Variants in TSBP1 observed in about 807,000 individuals in gnomAD.
TSBP1 encodes the protein testis-expressed basic protein 1.
In TSBP1, 56 loss-of-function variants were observed where a neutral mutation model predicts 68.8. The ratio of observed to expected loss-of-function variants is 0.81; its 90% CI spans 0.66 to 1.02. The LOEUF (loss-of-function observed/expected upper bound fraction) is 1.02. Ranked by LOEUF, TSBP1 falls within the 50% of genes least tolerant of loss-of-function variation. TSBP1 has a pLI of 0.00. For missense variants in TSBP1, 502 were observed against 641.2 expected, an observed-to-expected ratio of 0.78 and a Z score of 2.34; for synonymous variants, 171 against 208.7, an observed-to-expected ratio of 0.82 and a Z score of 1.56.
chr6:32,315,833 A>T lies in TSBP1; in HGVS notation c.560-41T>A, dbSNP rs1186715341. On this transcript the variant is annotated intron_variant, in intron 18 of 22. Transcript: ENST00000612031. This position sits in a 1 kb window ranked among gnomAD's most constrained non-coding sequence, Gnocchi z 5.4. ...AAAGAAATCCATTTAATTTTTCTCA[A>T]ATGGAGAAAACATAGCATTATCTAA... The T allele has an allele frequency of 7.6e-7, 1 of 1,320,190 alleles. No individual in the cohort carries two copies. Among genetic ancestry groups the T allele is most frequent in the Admixed American group, 2.1e-5 (1 of 47,554 alleles). 81.8% of individuals were successfully genotyped at this position (1,320,190 alleles called of 1,614,324 possible).
chr6:32,358,934 A>ATTATTATTATTATTAT (rs1562181079), intron 6 of TSBP1, among the ~76,000 whole-genome samples: 4 of 130,804 alleles, frequency 3.1e-5, no homozygotes, highest in African/African-American at 1.1e-4. Context: ...TATTATTATT[A>ATTATTATTATTATTAT]TACTTTAAGT....
chr6:32,326,449 C>T (rs1768228758), intron 16 of TSBP1, among the ~76,000 whole-genome samples: 2 of 151,166 alleles, frequency 1.3e-5, no homozygotes, highest in Non-Finnish European at 1.5e-5. Context: ...TTTTTTGCAC[C>T]CATGCTGTTT....
intron 4 of TSBP1, among the ~76,000 whole-genome samples, chr6:32,367,586 G>C (rs148571612): frequency 8.4e-4 from 128 of 152,224 alleles, no homozygotes; most frequent in African/African-American, 2.8e-3. Flanking sequence ...CTTTCAAAGT[G>C]TATTTTCACA....
chr6:32,346,854 T>C (rs376576326), intron 9 of TSBP1, among the ~76,000 whole-genome samples: 2 of 151,900 alleles, frequency 1.3e-5, no homozygotes, highest in African/African-American at 4.8e-5. Flanking sequence ...AAAAAAATAC[T>C]GTATCTCAGA....
At chr6:32,350,261 G>A (rs1279241968) in intron 8 of TSBP1, 1 of 441,170 alleles carries the variant, frequency 2.3e-6, no homozygotes, top group Non-Finnish European at 4.5e-6. Flanking sequence ...CTATGGAGAT[G>A]AAGAATAGCA....
chr6:32,324,425 C>T (rs906388252), intron 16 of TSBP1: 9 of 698,292 alleles, frequency 1.3e-5, no homozygotes, highest in African/African-American at 7.0e-5. Flanking sequence ...TTATCTCTTC[C>T]CTTTTTGCAG....
chr6:32,349,514 T>C (rs892633396), intron 9 of TSBP1: 2 of 484,628 alleles, frequency 4.1e-6, no homozygotes, highest in Non-Finnish European at 7.2e-6. Context: ...CACTTCAGGT[T>C]TGGAAATTGC....
intron 8 of TSBP1, among the ~76,000 whole-genome samples, chr6:32,353,220 A>G (rs1241587103): frequency 5.3e-5 from 8 of 151,960 alleles, no homozygotes; most frequent in Non-Finnish European, 1.2e-4. Context: ...TCTGAAAATT[A>G]TTAGAACTCT....
At chr6:32,324,736 AT>A (rs201177382) in intron 16 of TSBP1, 27 of 1,525,314 alleles carry the variant, frequency 1.8e-5, no homozygotes, top group South Asian at 6.1e-5. Flanking sequence ...TTTCCTACTC[AT>A]TTTTTTTTCT....
intron 15 of TSBP1, 134 bp downstream of exon 16, chr6:32,331,900 G>A (rs974890366): frequency 4.2e-6 from 3 of 719,782 alleles, no homozygotes; most frequent in South Asian, 3.4e-5. Context: ...TAACAGTTAC[G>A]ATATGGGGAA....
intron 9 of TSBP1, among the ~76,000 whole-genome samples, chr6:32,342,650 T>C (rs922500231): frequency 6.6e-6 from 1 of 152,224 alleles, no homozygotes; most frequent in African/African-American, 2.4e-5. Context: ...CCTCTGTAAA[T>C]TGAAAATAAT....
At chr6:32,330,239 T>A (rs1181974534) in intron 16 of TSBP1, among the ~76,000 whole-genome samples, 1 of 152,236 alleles carries the variant, frequency 6.6e-6, no homozygotes, top group Non-Finnish European at 1.5e-5. Context: ...CATTTCCTCC[T>A]CATTGTCTCC....
chr6:32,357,509 T>C lies in TSBP1; in HGVS notation c.218-1840A>G, dbSNP rs1318846113. 6.6e-6 allele frequency among the ~76,000 whole-genome samples: 1 copy of C among 152,168 alleles called. No homozygotes were observed. The highest frequency in any genetic ancestry group is 1.5e-5 in the Non-Finnish European group (1 of 68,040). ...TAAATTAGGGATAACAATAGTAAAT[T>C]ACTTTATTCATTTAAGAGGTACTTA... On this transcript the variant is annotated intron_variant, in intron 6 of 22. Coordinates refer to ENST00000612031, the Ensembl canonical transcript of TSBP1. This position sits in a 1 kb window ranked among gnomAD's most constrained non-coding sequence, Gnocchi z 4.7.
chr6:32,300,957 A>T (rs979385685), intron 20 of TSBP1, among the ~76,000 whole-genome samples: 1 of 152,260 alleles, frequency 6.6e-6, no homozygotes, highest in Non-Finnish European at 1.5e-5. Flanking sequence ...ATTACAATTT[A>T]TAAAATATAG....
chr6:32,366,762 CAAAA>C (rs9257084), intron 4 of TSBP1, among the ~76,000 whole-genome samples: 1,496 of 77,432 alleles, frequency 0.019, 28 homozygotes, highest in African/African-American at 0.061. Context: ...GACTCCGTCT[CAAAA>C]AAAAAAAAAA....
intron 17 of TSBP1, 100 bp downstream of exon 18, chr6:32,323,491 C>T (rs1767864127): frequency 1.8e-6 from 2 of 1,114,854 alleles, no homozygotes; most frequent in African/African-American, 1.6e-5. Context: ...GGTAGCTGCA[C>T]ACAGAGTTAG....
Position 32,366,000 on chromosome 6 carries a change from C to T in TSBP1, c.217+167G>A, listed in dbSNP as rs756315084. ...TGCATAGCTTTGGGGAAAATGGTGC[C>T]TCATAGCGTGATGGTGAACATTTGT... On this transcript the variant is annotated intron_variant, in intron 6 of 22. Coordinates refer to ENST00000612031, the Ensembl canonical transcript of TSBP1. This position sits in a 1 kb window ranked among gnomAD's most constrained non-coding sequence, Gnocchi z 4.3. 2.1e-5 allele frequency: 22 copies of T among 1,056,754 alleles called. No individual in the cohort carries two copies. In the Admixed American group the frequency reaches 3.7e-4, roughly 18 times the overall value. 65.5% of individuals were successfully genotyped at this position (1,056,754 alleles called of 1,614,324 possible).
chr6:32,367,598 A>G (rs999356949), intron 4 of TSBP1, among the ~76,000 whole-genome samples: 1 of 152,192 alleles, frequency 6.6e-6, no homozygotes, highest in African/African-American at 2.4e-5. Context: ...ATTTTCACAT[A>G]TACTATTCCA....
Position 32,293,347 on chromosome 6 carries a change from T to C in TSBP1, c.1326A>G (p.Gln442=), listed in dbSNP as rs139186206. The C allele has an allele frequency of 2.5e-6, 4 of 1,612,848 alleles. No individual in the cohort carries two copies. In the African/African-American group the frequency reaches 5.3e-5, roughly 22 times the overall value. Residue 442 remains glutamine (Q), a synonymous_variant, in exon 23 of 23, where the codon CAA becomes CAG. Transcript: ENST00000612031. ...GTACACCTGCCTCACTCTTCTTTTCTTGGACCTCTTGTTCCTTTGGCACAT... is the reference window on the plus strand; with the variant it reads ...GTACACCTGCCTCACTCTTCTTTTCCTGGACCTCTTGTTCCTTTGGCACAT...
Sources: allele counts gnomAD v4.1 joint callset (sites outside exome capture counted in the v4.1 genomes callset), GRCh38; gene constraint gnomAD v4.1.1; non-coding constraint Gnocchi (gnomAD v3.1); transcripts MANE v1.5; gene names NCBI Gene and HGNC (gene_info 2026-07-23, HGNC 2026-07-21).